The following PCDHA6 variants were observed in gnomAD, a reference collection of about 807,000 sequenced individuals.
PCDHA6 encodes the protein protocadherin alpha 6.
Under a neutral mutation model 60.3 loss-of-function variants are expected in PCDHA6, and 55 were observed. The ratio of observed to expected loss-of-function variants is 0.91; its 90% confidence interval spans 0.73 to 1.14. The LOEUF (loss-of-function observed/expected upper bound fraction) is 1.14, where lower values mean the gene tolerates loss of function less well. Among genes scored for constraint, PCDHA6 ranks in the 50% most tolerant of loss-of-function variants. The probability of loss-of-function intolerance (pLI) is 0.00; values close to 1 mark genes in which losing one functional copy is unlikely to be tolerated. For missense variants in PCDHA6, 1,327 were observed against 1,256.5 expected, an observed-to-expected ratio of 1.06 and a Z score of -0.85; for synonymous variants, 652 against 557.9, an observed-to-expected ratio of 1.17 and a Z score of -2.38.
chr5:140,926,842 G>A (rs1388239431), intron 1 of PCDHA6: 1 of 1,514,684 alleles, frequency 6.6e-7, no homozygotes, highest in Non-Finnish European at 8.8e-7. Flanking sequence ...GCATGGTCCT[G>A]GGTCACCGTT....
intron 1 of PCDHA6, among the ~76,000 whole-genome samples, chr5:140,900,796 A>G (rs1269266602): frequency 1.3e-5 from 2 of 152,188 alleles, no homozygotes; most frequent in Admixed American, 6.5e-5. Flanking sequence ...ACTGTTCTCC[A>G]TAGTGCTTGT....
At chr5:140,948,773 G>A (rs991446033) in intron 1 of PCDHA6, among the ~76,000 whole-genome samples, 12 of 151,352 alleles carry the variant, frequency 7.9e-5, no homozygotes, top group Non-Finnish European at 1.6e-4. Context: ...CGAATAGCCA[G>A]CTTTTGGCTT....
intron 1 of PCDHA6, chr5:140,856,613 A>G: frequency 6.3e-7 from 1 of 1,598,082 alleles, no homozygotes; most frequent in Non-Finnish European, 8.6e-7. Flanking sequence ...AGACAAAGAC[A>G]AATTCCCAGT....
intron 1 of PCDHA6, among the ~76,000 whole-genome samples, chr5:140,910,278 A>G (rs1261965132): frequency 6.6e-6 from 1 of 151,132 alleles, no homozygotes; most frequent in Non-Finnish European, 1.5e-5. Flanking sequence ...TTCTAGGAAC[A>G]CCATGATTAA....
chr5:140,884,168 A>G (rs1562800814), intron 1 of PCDHA6: 1 of 1,613,300 alleles, frequency 6.2e-7, no homozygotes, highest in South Asian at 1.1e-5. Context: ...GATCAGCACG[A>G]CGCGCCCTCT....
At chr5:140,928,685 A>G (rs899513448) in intron 1 of PCDHA6, 36 of 1,614,050 alleles carry the variant, frequency 2.2e-5, no homozygotes, top group Non-Finnish European at 3.1e-5. Context: ...TGGCTTTCCT[A>G]CCACATCTCC....
At position 140,840,142 on chromosome 5, in the gene PCDHA6, A is replaced by G. The variant is rs2150303821; in HGVS notation, c.2394+9657A>G. ...TGTACTAATAAGGACAGAAATTATC[A>G]CACGTGAAAGGAGAGATGGGATGTA... On this transcript the variant is annotated intron_variant, in intron 1 of 3. Coordinates refer to ENST00000529310, the MANE Select transcript of PCDHA6 (RefSeq NM_018909.4). Among the ~76,000 whole-genome samples, 125 of 152,144 alleles carry G rather than the reference A, an allele frequency of 8.2e-4. 4 individuals carry two copies. The highest frequency in any genetic ancestry group is 2.9e-3 in the African/African-American group (122 of 41,494).
intron 1 of PCDHA6, chr5:140,870,468 A>G: frequency 1.2e-6 from 2 of 1,614,214 alleles, no homozygotes; most frequent in Non-Finnish European, 8.5e-7. Flanking sequence ...CTGCGTTCGC[A>G]CAGCCCGAGT....
At chr5:140,989,315 C>T (rs1285439327) in intron 3 of PCDHA6, among the ~76,000 whole-genome samples, 1 of 152,130 alleles carries the variant, frequency 6.6e-6, no homozygotes, top group East Asian at 1.9e-4. Flanking sequence ...AGTAGGGTCT[C>T]ACCAACTTTG....
intron 1 of PCDHA6, chr5:140,969,368 G>A: frequency 6.2e-7 from 1 of 1,608,874 alleles, no homozygotes; most frequent in Non-Finnish European, 8.5e-7. Flanking sequence ...ACAAACTCAT[G>A]CATTTGTTAC....
At position 140,877,641 on chromosome 5, in the gene PCDHA6, C is replaced by G. The variant is rs548787462; in HGVS notation, c.2394+47156C>G. ...TGCTGCTGTACACTGCGCTGCGTTG[C>G]TCAGCGCCGCCCACCGTGAGCCGGT... On this transcript the variant is annotated intron_variant, in intron 1 of 3. Transcript: ENST00000529310. 6.2e-6 allele frequency: 10 copies of G among 1,613,592 alleles called. 1 individual carries two copies. In the South Asian group the frequency reaches 9.9e-5, roughly 16 times the overall value.
intron 3 of PCDHA6, among the ~76,000 whole-genome samples, chr5:140,990,875 G>A: frequency 6.6e-6 from 1 of 152,198 alleles, no homozygotes; most frequent in East Asian, 1.9e-4. Flanking sequence ...TTAAGTGTAT[G>A]TTCCAGTGAG....
chr5:140,979,058 C>A, intron 2 of PCDHA6, 51 bp downstream of exon 2: 3 of 1,606,096 alleles, frequency 1.9e-6, no homozygotes, highest in Non-Finnish European at 2.6e-6. Context: ...CTTGGTATGG[C>A]TCAGATAAAC....
intron 1 of PCDHA6, chr5:140,834,591 T>C: frequency 1.2e-6 from 2 of 1,614,048 alleles, no homozygotes; most frequent in Non-Finnish European, 1.7e-6. Flanking sequence ...GGTGTGCAAA[T>C]TCCGTGGGGA....
At chr5:141,004,213 GGTCA>G (rs3842022) in intron 3 of PCDHA6, among the ~76,000 whole-genome samples, 2 of 152,208 alleles carry the variant, frequency 1.3e-5, no homozygotes, top group East Asian at 3.8e-4. Context: ...CAGATTAGGA[GGTCA>G]GTCAGTGTTT....
intron 1 of PCDHA6, among the ~76,000 whole-genome samples, chr5:140,957,462 T>C (rs574379806): frequency 8.3e-4 from 126 of 152,308 alleles, no homozygotes; most frequent in African/African-American, 2.9e-3. Context: ...ATCATAGGTA[T>C]GTATGTATAG....
chr5:140,876,738 G>C, intron 1 of PCDHA6: 2 of 1,614,264 alleles, frequency 1.2e-6, no homozygotes, highest in Non-Finnish European at 1.7e-6. Flanking sequence ...CGGCCTATGA[G>C]CTGGTGGTGA....
At chr5:140,965,838 T>C (rs1486782697) in intron 1 of PCDHA6, among the ~76,000 whole-genome samples, 5 of 152,204 alleles carry the variant, frequency 3.3e-5, no homozygotes, top group African/African-American at 1.2e-4. Flanking sequence ...ATATTGGTTA[T>C]TTGCCAAGGC....
At chr5:140,995,608 C>G (rs543938511) in intron 3 of PCDHA6, among the ~76,000 whole-genome samples, 1 of 152,206 alleles carries the variant, frequency 6.6e-6, no homozygotes, top group East Asian at 1.9e-4. Flanking sequence ...TTTCTTCTCC[C>G]AAACCAAATA....
Sources: allele counts gnomAD v4.1 joint callset (sites outside exome capture counted in the v4.1 genomes callset), GRCh38; gene constraint gnomAD v4.1.1; transcripts MANE v1.5; gene names NCBI Gene and HGNC (gene_info 2026-07-23, HGNC 2026-07-21).